Variants in MXI1 observed in about 807,000 individuals in gnomAD.
MXI1 encodes the protein max-interacting protein 1.
In MXI1, 18 loss-of-function variants were observed where a neutral mutation model predicts 36.9. The observed-to-expected ratio is 0.49, with a 90% CI of 0.34 to 0.72. The LOEUF (loss-of-function observed/expected upper bound fraction) is 0.72, where lower values mean the gene tolerates loss of function less well. MXI1 is among the 30% of genes least tolerant of loss of function. The probability of loss-of-function intolerance (pLI) is 0.01; values close to 1 mark genes in which losing one functional copy is unlikely to be tolerated. For synonymous variants in MXI1, 160 were observed against 146.7 expected (o/e 1.09, Z -0.65); for missense variants, 304 against 379.1 (o/e 0.80, Z 1.64).
rs1231021310 is a variant in MXI1 at position 110,208,078 on chromosome 10, CAAAAGT to C, written c.273_274+4del. ...ACCTGGAGCAGATCGAGAAAGAAAACAAAAGTAAGTTTGGGGGCCCCTGCTCTTCCT... is the reference window on the plus strand; with the variant it reads ...ACCTGGAGCAGATCGAGAAAGAAAACAAGTTTGGGGGCCCCTGCTCTTCCT... On this transcript the variant is annotated splice_donor_variant and coding_sequence_variant, in exon 1 of 6. Coordinates refer to ENST00000332674, the MANE Select transcript of MXI1 (RefSeq NM_130439.3). LOFTEE classifies it high-confidence loss of function. The C allele has an allele frequency of 6.3e-7, 1 of 1,588,046 alleles. No individual in the cohort carries two copies. Among genetic ancestry groups the C allele is most frequent in the Non-Finnish European group, 8.6e-7 (1 of 1,167,774 alleles).
chr10:110,267,670 C>G (rs1158695515), intron 3 of MXI1, among the ~76,000 whole-genome samples: 1 of 152,130 alleles, frequency 6.6e-6, no homozygotes, highest in Admixed American at 6.5e-5. Context: ...TTAGATAGAG[C>G]TGATTGACTT....
chr10:110,215,959 T>A (rs1854626627), intron 1 of MXI1, among the ~76,000 whole-genome samples: 1 of 152,208 alleles, frequency 6.6e-6, no homozygotes, highest in African/African-American at 2.4e-5. Context: ...TCTCTGGCTC[T>A]TCTAACTTAA....
chr10:110,224,952 G>C (rs915277899), intron 1 of MXI1, among the ~76,000 whole-genome samples: 1 of 152,122 alleles, frequency 6.6e-6, no homozygotes, highest in Non-Finnish European at 1.5e-5. Context: ...CCGGCCAGTG[G>C]TAGTCTTTTA....
At chr10:110,211,073 C>CTT (rs33972208) in intron 1 of MXI1, among the ~76,000 whole-genome samples, 1 of 131,340 alleles carries the variant, frequency 7.6e-6, no homozygotes, top group Admixed American at 7.7e-5. Context: ...TTGTGTACGT[C>CTT]TTTTTTTTTT....
chr10:110,261,272 T>C (rs1856499066), intron 3 of MXI1: 1 of 474,122 alleles, frequency 2.1e-6, no homozygotes, highest in South Asian at 9.0e-5. Flanking sequence ...ACTGTTTATT[T>C]TTTTTGCTTG....
chr10:110,227,403 G>A (rs1327606914), intron 1 of MXI1: 1 of 988,164 alleles, frequency 1.0e-6, no homozygotes. Flanking sequence ...GGGGAGGTGC[G>A]AGGGTGCGCA....
intron 3 of MXI1, among the ~76,000 whole-genome samples, chr10:110,265,683 T>G (rs1230262230): frequency 6.6e-6 from 1 of 152,226 alleles, no homozygotes; most frequent in East Asian, 1.9e-4. Context: ...AGACAAAAGA[T>G]ATTATAAGCT....
intron 3 of MXI1, chr10:110,261,142 A>C: frequency 1.0e-6 from 1 of 984,874 alleles, no homozygotes; most frequent in Non-Finnish European, 1.2e-6. Context: ...GAAAGTAGCT[A>C]CAGGTCAGTA....
In MXI1 at chr10:110,286,266, C is replaced by G. The variant is rs952805634; in HGVS notation, c.*1279C>G. On this transcript the variant is annotated 3_prime_UTR_variant, in exon 6 of 6. Transcript: ENST00000332674. ...GGCAGTCTCTCTCTTCCTCACAGTCCCACTGTGCAGGTGCTATTGTTACTC... is the reference window on the plus strand; with the variant it reads ...GGCAGTCTCTCTCTTCCTCACAGTCGCACTGTGCAGGTGCTATTGTTACTC... The G allele has an allele frequency of 2.6e-5, 4 of 152,468 alleles. No individual in the cohort carries two copies. The highest frequency in any genetic ancestry group is 5.9e-5 in the Non-Finnish European group (4 of 68,012). The allele number at this position is 152,468 out of a possible 1,614,324, so 9.4% of individuals were successfully genotyped here.
intron 3 of MXI1, among the ~76,000 whole-genome samples, chr10:110,258,355 A>G (rs1335748793): frequency 6.6e-6 from 1 of 152,176 alleles, no homozygotes; most frequent in Admixed American, 6.6e-5. Context: ...GCTGAATTAT[A>G]GAGGGTTACT....
chr10:110,260,665 T>C (rs1856480831), intron 3 of MXI1, among the ~76,000 whole-genome samples: 2 of 151,996 alleles, frequency 1.3e-5, no homozygotes, highest in African/African-American at 4.8e-5. Context: ...AAGTAGTAAA[T>C]ATTTATATAA....
Position 110,285,852 on chromosome 10 carries a change from C to T in MXI1, c.*865C>T, listed in dbSNP as rs1169651905. On this transcript the variant is annotated 3_prime_UTR_variant, in exon 6 of 6. Coordinates refer to ENST00000332674, the MANE Select transcript of MXI1 (RefSeq NM_130439.3). ...GAGTTGTGCACGCAGATTAGCAGGCCAAGGTCTGAGCCACAGCAGCATTTT... is the reference window on the plus strand; with the variant it reads ...GAGTTGTGCACGCAGATTAGCAGGCTAAGGTCTGAGCCACAGCAGCATTTT... 6.6e-6 allele frequency: 1 copy of T among 152,512 alleles called. No homozygotes were observed. Among genetic ancestry groups the T allele is most frequent in the Non-Finnish European group, 1.5e-5 (1 of 68,020 alleles). 9.4% of individuals were successfully genotyped at this position (152,512 alleles called of 1,614,324 possible).
chr10:110,284,235 C>T (rs56223629), intron 5 of MXI1, among the ~76,000 whole-genome samples: 18 of 151,820 alleles, frequency 1.2e-4, no homozygotes, highest in Non-Finnish European at 2.2e-4. Flanking sequence ...TTATTTCAAG[C>T]TATATTTGAT....
Position 110,228,217 on chromosome 10 carries a change from C to G in MXI1, c.303C>G (p.Phe101Leu). ...KKCEHGYASSFPSMPSPRLQH... is the reference protein window; with the variant it reads ...KKCEHGYASSLPSMPSPRLQH... ...GTGAACATGGCTACGCCTCTTCATT[C>G]CCGTCCATGCCGAGCCCCCGACTGC... Residue 101 changes from phenylalanine (F) to leucine (L), a missense_variant, in exon 2 of 6, where the codon TTC becomes TTG. Phe to Leu is a conservative substitution (Grantham distance 22). This residue lies in a region of MXI1 where 179 missense variants were observed against 184.8 expected (regional missense o/e 0.97). Transcript: ENST00000332674. The G allele has an allele frequency of 6.2e-7, 1 of 1,614,066 alleles. No individual in the cohort carries two copies. Among genetic ancestry groups the G allele is most frequent in the Non-Finnish European group, 8.5e-7 (1 of 1,180,024 alleles).
At chr10:110,261,139 G>C (rs1856495430) in intron 3 of MXI1, 24 of 984,984 alleles carry the variant, frequency 2.4e-5, no homozygotes, top group Non-Finnish European at 2.9e-5. Flanking sequence ...AGAGAAAGTA[G>C]CTACAGGTCA....
intron 2 of MXI1, among the ~76,000 whole-genome samples, chr10:110,236,320 C>T (rs1185522735): frequency 6.6e-6 from 1 of 151,582 alleles, no homozygotes; most frequent in African/African-American, 2.4e-5. Context: ...AATATTCATC[C>T]TTATTCTAAT....
At chr10:110,227,244 G>T in intron 1 of MXI1, 3 of 746,972 alleles carry the variant, frequency 4.0e-6, no homozygotes, top group African/African-American at 2.4e-5. Flanking sequence ...GTGCGCGGGG[G>T]GGAGGGGCGT....
At chr10:110,279,885 C>G in intron 4 of MXI1, 29 bp from the exon 5 acceptor site, 1 of 1,575,766 alleles carries the variant, frequency 6.3e-7, no homozygotes, top group East Asian at 2.2e-5. Flanking sequence ...GGACTATACA[C>G]AAATGTAAAA....
intron 1 of MXI1, among the ~76,000 whole-genome samples, chr10:110,215,324 G>A (rs1238631423): frequency 1.3e-5 from 2 of 152,142 alleles, no homozygotes; most frequent in African/African-American, 4.8e-5. Flanking sequence ...ACAGGCGTGA[G>A]CCACCACACT....
Sources: gnomAD v4.1 joint callset for allele counts (sites outside exome capture counted in the v4.1 genomes callset) on GRCh38, gnomAD v4.1.1 for gene constraint, gnomAD v4.1.1 regional missense constraint, MANE v1.5 for transcripts, NCBI Gene and HGNC (gene_info 2026-07-23, HGNC 2026-07-21) for gene names.